KCNMA1: variants seen among roughly 807,000 people sequenced by gnomAD.
KCNMA1 encodes the protein Calcium-activated potassium channel subunit alpha-1.
A neutral mutation model predicts 140.0 loss-of-function variants in KCNMA1; 29 were observed. The ratio of observed to expected loss-of-function variants is 0.21; its 90% CI spans 0.15 to 0.28. The LOEUF (loss-of-function observed/expected upper bound fraction) is 0.28, where lower values mean the gene tolerates loss of function less well. Among genes scored for constraint, KCNMA1 ranks in the 10% least tolerant of loss-of-function variants. The pLI is 1.00. For synonymous variants in KCNMA1, 612 were observed against 611.9 expected (o/e 1.00, Z 0.00); for missense variants, 880 against 1,602.2 (o/e 0.55, Z 7.70).
intron 2 of KCNMA1, among the ~76,000 whole-genome samples, chr10:77,297,181 C>T (rs558989176): frequency 6.6e-6 from 1 of 152,198 alleles, no homozygotes; most frequent in South Asian, 2.1e-4. Context: ...CCTCTGGCTT[C>T]CAGAGAACTA....
At chr10:77,633,613 T>C (rs2093440405) in intron 1 of KCNMA1, among the ~76,000 whole-genome samples, 1 of 152,320 alleles carries the variant, frequency 6.6e-6, no homozygotes, top group East Asian at 1.9e-4. Flanking sequence ...CAAGCTGTAA[T>C]GGGATCTGAT....
intron 14 of KCNMA1, among the ~76,000 whole-genome samples, chr10:77,056,751 A>G (rs548559839): frequency 5.3e-4 from 80 of 152,336 alleles, no homozygotes; most frequent in African/African-American, 1.9e-3. Context: ...AAATGGAAAT[A>G]CTACAATTAA....
chr10:77,213,201 T>C (rs1371259684), intron 3 of KCNMA1, among the ~76,000 whole-genome samples: 1 of 152,200 alleles, frequency 6.6e-6, no homozygotes, highest in African/African-American at 2.4e-5. Flanking sequence ...CAGGGTACTC[T>C]GCAACGAGCA....
At chr10:76,957,831 C>T (rs1041460326) in intron 20 of KCNMA1, among the ~76,000 whole-genome samples, 2 of 152,224 alleles carry the variant, frequency 1.3e-5, no homozygotes, top group African/African-American at 4.8e-5. Context: ...TACACACTCA[C>T]TGGATTTCAC....
At chr10:77,270,028 G>C (rs2064562479) in intron 2 of KCNMA1, among the ~76,000 whole-genome samples, 1 of 152,202 alleles carries the variant, frequency 6.6e-6, no homozygotes, top group African/African-American at 2.4e-5. Flanking sequence ...CCCTGGCTCT[G>C]TGGGGTCCCT....
chr10:76,873,316 T>G (rs1326521703), downstream of KCNMA1: 1 of 152,304 alleles, frequency 6.6e-6, no homozygotes, highest in African/African-American at 2.4e-5. Flanking sequence ...ACCAAACTAG[T>G]ACAAACTGCC....
intron 15 of KCNMA1, among the ~76,000 whole-genome samples, chr10:77,038,407 C>G (rs1380694003): frequency 6.6e-6 from 1 of 152,154 alleles, no homozygotes; most frequent in Non-Finnish European, 1.5e-5. Flanking sequence ...CCTGTTTCTT[C>G]CCAGTGAGAA....
At chr10:77,094,897 T>G (rs2096894191) in intron 9 of KCNMA1, among the ~76,000 whole-genome samples, 1 of 151,958 alleles carries the variant, frequency 6.6e-6, no homozygotes, top group South Asian at 2.1e-4. Context: ...GATAGGTTCT[T>G]GCTATGTTGC....
intron 9 of KCNMA1, among the ~76,000 whole-genome samples, chr10:77,096,033 C>T (rs975208291): frequency 6.6e-6 from 1 of 152,158 alleles, no homozygotes; most frequent in Non-Finnish European, 1.5e-5. Flanking sequence ...ACCATTGGGC[C>T]CCCTCCCACG....
chr10:77,068,541 G>T (rs1461431504), intron 14 of KCNMA1, among the ~76,000 whole-genome samples: 1 of 151,420 alleles, frequency 6.6e-6, no homozygotes, highest in Non-Finnish European at 1.5e-5. Context: ...AGCGTGTATT[G>T]TTATCGATAT....
intron 1 of KCNMA1, among the ~76,000 whole-genome samples, chr10:77,439,087 AAAGAGAAGAG>A (rs55994326): frequency 0.069 from 8,571 of 124,874 alleles, 298 homozygotes; most frequent in Admixed American, 0.11. Context: ...AAAGAAAAGA[AAAGAGAAGAG>A]AAGAGAAGAG....
chr10:76,945,818 C>G, intron 22 of KCNMA1, among the ~76,000 whole-genome samples: 1 of 148,830 alleles, frequency 6.7e-6, no homozygotes, highest in Middle Eastern at 3.6e-3. Flanking sequence ...AAAAAAAAAA[C>G]CCACAAAATA....
intron 2 of KCNMA1, among the ~76,000 whole-genome samples, chr10:77,266,309 C>T (rs1600577496): frequency 6.6e-6 from 1 of 151,954 alleles, no homozygotes; most frequent in South Asian, 2.1e-4. Flanking sequence ...ACAAAGGAAC[C>T]CAGGGTCATG....
At chr10:76,912,941 T>C (rs937861466) in intron 24 of KCNMA1, 1 of 152,188 alleles carries the variant, frequency 6.6e-6, no homozygotes. Context: ...ACCCCTCCTA[T>C]GGTTGGAAAC....
intron 2 of KCNMA1, among the ~76,000 whole-genome samples, chr10:77,315,976 C>T (rs759134970): frequency 6.6e-6 from 1 of 151,988 alleles, no homozygotes; most frequent in African/African-American, 2.4e-5. Flanking sequence ...CATTGGTGGG[C>T]GCAAGATAAA....
chr10:77,369,814 G>T (rs142217718), intron 2 of KCNMA1, among the ~76,000 whole-genome samples: 49 of 152,328 alleles, frequency 3.2e-4, no homozygotes, highest in Non-Finnish European at 5.9e-4. Context: ...CCAATTGAAT[G>T]AGTCTGATCA....
At chr10:77,158,597 C>G (rs1399715920) in intron 5 of KCNMA1, among the ~76,000 whole-genome samples, 1 of 152,150 alleles carries the variant, frequency 6.6e-6, no homozygotes, top group Non-Finnish European at 1.5e-5. Context: ...AGCTCCATAA[C>G]TGGGGTCAAA....
Position 77,090,364 on chromosome 10 carries a change from T to A in KCNMA1, c.1334+36A>T, listed in dbSNP as rs747903359. The A allele has an allele frequency of 3.0e-6, 4 of 1,349,680 alleles. No homozygotes were observed. The East Asian group carries it at 9.2e-5, about 31-fold the overall frequency. The allele number at this position is 1,349,680 out of a possible 1,614,324, so 83.6% of individuals were successfully genotyped here. ...GGGAGTCCCTCGCAGGGTGTGTGGT[T>A]GGGCAGAGGGTCTGACAGCAGTAGG... On this transcript the variant is annotated intron_variant, in intron 10 of 27. Coordinates refer to ENST00000286628, the MANE Select transcript of KCNMA1 (RefSeq NM_001161352.2).
intron 1 of KCNMA1, among the ~76,000 whole-genome samples, chr10:77,614,510 G>T (rs1222910607): frequency 1.3e-5 from 2 of 152,142 alleles, no homozygotes. Flanking sequence ...AGACTCAAAG[G>T]TGAGCTTGAA....
Sources: gnomAD v4.1 joint callset for allele counts (sites outside exome capture counted in the v4.1 genomes callset) on GRCh38, gnomAD v4.1.1 for gene constraint, MANE v1.5 for transcripts, NCBI Gene and HGNC (gene_info 2026-07-23, HGNC 2026-07-21) for gene names.